The following NAV2 variants were observed in gnomAD, a reference collection of about 807,000 sequenced individuals.
NAV2 encodes the protein helicase, APC down-regulated 1.
Under a neutral mutation model 223.2 loss-of-function variants are expected in NAV2, and 54 were observed. The ratio of observed to expected loss-of-function variants is 0.24; its 90% confidence interval spans 0.19 to 0.30. The LOEUF is 0.30. NAV2 is among the 10% of genes least tolerant of loss of function. The pLI is 1.00. For missense variants in NAV2, 2,806 were observed against 3,147.5 expected (o/e 0.89, Z 2.60); for synonymous variants, 1,279 against 1,239.3 (o/e 1.03, Z -0.67).
intron 1 of NAV2, among the ~76,000 whole-genome samples, chr11:19,564,081 T>A (rs2045185718): frequency 6.6e-6 from 1 of 152,066 alleles, no homozygotes; most frequent in Non-Finnish European, 1.5e-5. Context: ...CAGGAGCCCG[T>A]CCCCACCTGA....
At chr11:19,824,386 G>T (rs2059545358) in intron 1 of NAV2, among the ~76,000 whole-genome samples, 1 of 152,232 alleles carries the variant, frequency 6.6e-6, no homozygotes, top group South Asian at 2.1e-4. Context: ...AGATGGCAAG[G>T]ATGGGGATAG....
At chr11:19,529,917 T>G (rs1228219474) in intron 1 of NAV2, among the ~76,000 whole-genome samples, 2 of 152,214 alleles carry the variant, frequency 1.3e-5, no homozygotes, top group African/African-American at 4.8e-5. Context: ...ACAAAACATC[T>G]TTTTTACTAC....
chr11:19,966,171 G>A (rs534499511), intron 10 of NAV2, among the ~76,000 whole-genome samples: 221 of 152,336 alleles, frequency 1.5e-3, no homozygotes, highest in African/African-American at 5.1e-3. Flanking sequence ...GATTCGAGAG[G>A]AAGGTGCATA....
At chr11:19,697,436 T>C (rs1356015942) in intron 1 of NAV2, among the ~76,000 whole-genome samples, 2 of 151,494 alleles carry the variant, frequency 1.3e-5, no homozygotes, top group African/African-American at 4.9e-5. Context: ...TAATAAAATT[T>C]GAAATTTAAA....
At position 20,107,692 on chromosome 11, in the gene NAV2, C is replaced by A. The variant is rs750291270; in HGVS notation, c.6870C>A (p.Ile2290=). 1.2e-6 allele frequency: 2 copies of A among 1,614,144 alleles called. No individual in the cohort carries two copies. Among genetic ancestry groups the A allele is most frequent in the Admixed American group, 3.3e-5 (2 of 60,030 alleles). ...IGPRLFLSCP[I]DVDGSRVWFT... ...CCCGGCTCTTCCTGTCATGCCCCAT[C>A]GATGTGGACGGCTCGAGAGTGTGGT... The change falls in exon 36 of 38, where the codon ATC becomes ATA. Residue 2290 remains isoleucine, a synonymous_variant. Transcript: ENST00000349880.
chr11:19,703,357 C>T (rs532030204), intron 1 of NAV2, among the ~76,000 whole-genome samples: 28 of 152,210 alleles, frequency 1.8e-4, no homozygotes, highest in Admixed American at 1.6e-3. Flanking sequence ...TCACCAGGCT[C>T]CATGCCTGGG....
rs72262826 is a variant in NAV2, at chr11:19,941,423, A to ATTT, written c.2146+1657_2146+1659dup. Among the ~76,000 whole-genome samples the ATTT allele has an allele frequency of 5.8e-5, 8 of 137,536 alleles. No individual in the cohort carries two copies. The East Asian group carries it at 9.7e-4, about 17-fold the overall frequency. 90.2% of individuals were successfully genotyped at this position (137,536 alleles called of 152,430 possible). A position where few individuals can be genotyped will look rare whatever the true frequency, so the allele number is the denominator to read the frequency against. On this transcript the variant is annotated intron_variant, in intron 8 of 37. Coordinates refer to ENST00000349880, the MANE Select transcript of NAV2 (RefSeq NM_145117.5). ...GAAGTCACACATGTGACTATGTTGA[A>ATTT]TTTTTTTTTATGGAGACACTGAATA...
chr11:19,469,180 C>A (rs771017416), intron 1 of NAV2, among the ~76,000 whole-genome samples: 2 of 152,198 alleles, frequency 1.3e-5, no homozygotes, highest in Non-Finnish European at 2.9e-5. Flanking sequence ...GAACCCACTG[C>A]CTCCTAAAGA....
At chr11:19,821,248 C>G (rs1258242967) in intron 1 of NAV2, among the ~76,000 whole-genome samples, 1 of 114,248 alleles carries the variant, frequency 8.8e-6, no homozygotes, top group Non-Finnish European at 1.7e-5. Context: ...GGCGACAGAG[C>G]GAGACTCTGT....
intron 1 of NAV2, among the ~76,000 whole-genome samples, chr11:19,494,134 G>A (rs944422312): frequency 6.6e-6 from 1 of 152,216 alleles, no homozygotes; most frequent in African/African-American, 2.4e-5. Flanking sequence ...CTCTCCTGGA[G>A]AAGGAACAGA....
At position 19,832,422 on chromosome 11, in the gene NAV2, C is replaced by G. The variant is rs2059996186; in HGVS notation, c.268-62C>G. The stretch of plus-strand genomic sequence containing the variant: ...GCCACTGTGCCGGCCCGAGCAGCTG[C>G]CTCAGACTCTGAGAGGGGATCCGAC... On this transcript the variant is annotated intron_variant, in intron 1 of 37. Transcript: ENST00000349880. 2.3e-6 allele frequency: 3 copies of G among 1,327,320 alleles called. No homozygotes were observed. In the Admixed American group the frequency reaches 5.1e-5, roughly 22 times the overall value. The allele number at this position is 1,327,320 out of a possible 1,614,324, so 82.2% of individuals were successfully genotyped here. A position where few individuals can be genotyped will look rare whatever the true frequency, so the allele number is the denominator to read the frequency against.
chr11:19,744,946 A>AT (rs2053214031), intron 1 of NAV2, among the ~76,000 whole-genome samples: 1 of 152,140 alleles, frequency 6.6e-6, no homozygotes, highest in South Asian at 2.1e-4. Flanking sequence ...TTACACCTCT[A>AT]TTTTTGCACA....
intron 19 of NAV2, among the ~76,000 whole-genome samples, chr11:20,058,191 A>G (rs1030551153): frequency 6.6e-6 from 1 of 152,228 alleles, no homozygotes; most frequent in African/African-American, 2.4e-5. Context: ...GAAAATTGAC[A>G]TTTCATGTTT....
At chr11:20,090,563 A>G (rs1242508434) in intron 26 of NAV2, among the ~76,000 whole-genome samples, 2 of 152,244 alleles carry the variant, frequency 1.3e-5, no homozygotes, top group Non-Finnish European at 2.9e-5. Flanking sequence ...GTGAAAGACA[A>G]AAATAGGAAC....
At chr11:20,111,631 C>T (rs565464612) in intron 36 of NAV2, among the ~76,000 whole-genome samples, 1 of 152,352 alleles carries the variant, frequency 6.6e-6, no homozygotes, top group South Asian at 2.1e-4. Context: ...TGCAGGGTAA[C>T]TCAAAAGGCC....
chr11:20,076,476 T>C (rs1390710244), intron 22 of NAV2, among the ~76,000 whole-genome samples: 1 of 152,244 alleles, frequency 6.6e-6, no homozygotes, highest in South Asian at 2.1e-4. Flanking sequence ...TATTCCATTA[T>C]ACAAGTAGAG....
chr11:20,067,482 CTTTAT>C (rs1168517521), intron 20 of NAV2, among the ~76,000 whole-genome samples: 1 of 151,758 alleles, frequency 6.6e-6, no homozygotes, highest in Non-Finnish European at 1.5e-5. Flanking sequence ...ATATTAGACC[CTTTAT>C]TTTATTTTTT....
At chr11:19,834,990 T>G (rs1014388377) in intron 2 of NAV2, among the ~76,000 whole-genome samples, 5 of 152,194 alleles carry the variant, frequency 3.3e-5, no homozygotes, top group African/African-American at 1.2e-4. Context: ...GATGATGAGG[T>G]CTCAATATCT....
At chr11:19,910,682 A>T (rs2043229836) in intron 6 of NAV2, among the ~76,000 whole-genome samples, 1 of 151,966 alleles carries the variant, frequency 6.6e-6, no homozygotes, top group South Asian at 2.1e-4. Context: ...TACGTGGTGA[A>T]ACTCCATGTC....
Sources: allele counts gnomAD v4.1 joint callset (sites outside exome capture counted in the v4.1 genomes callset), GRCh38; gene constraint gnomAD v4.1.1; transcripts MANE v1.5; gene names NCBI Gene and HGNC (gene_info 2026-07-23, HGNC 2026-07-21).